The following TTC13 variants were observed in gnomAD, a reference collection of about 807,000 sequenced individuals.
TTC13 encodes tetratricopeptide repeat protein 13.
Under a neutral mutation model 120.0 loss-of-function variants are expected in TTC13, and 62 were observed. That is an observed-to-expected ratio of 0.52 (90% CI 0.42 to 0.64). The LOEUF (loss-of-function observed/expected upper bound fraction) is 0.64, where lower values mean the gene tolerates loss of function less well. Among genes scored for constraint, TTC13 ranks in the 30% least tolerant of loss-of-function variants. The probability of loss-of-function intolerance (pLI) is 0.00; values close to 1 mark genes in which losing one functional copy is unlikely to be tolerated. For synonymous variants in TTC13, 384 were observed against 393.5 expected, an observed-to-expected ratio of 0.98 and a Z score of 0.28; for missense variants, 824 against 1,050.2, an observed-to-expected ratio of 0.78 and a Z score of 2.98.
At chr1:230,968,296 A>G (rs1010646265) in intron 1 of TTC13, among the ~76,000 whole-genome samples, 1 of 75,072 alleles carries the variant, frequency 1.3e-5, no homozygotes, top group African/African-American at 7.3e-5. Flanking sequence ...AGGTATATGC[A>G]CACTGACCTC....
At chr1:230,941,073 T>C (rs574481978) in intron 6 of TTC13, among the ~76,000 whole-genome samples, 2 of 152,290 alleles carry the variant, frequency 1.3e-5, no homozygotes, top group Non-Finnish European at 2.9e-5. Context: ...TTTTAACTCA[T>C]GAGTCATGAT....
chr1:230,929,556 C>T (rs1040866745), intron 11 of TTC13, among the ~76,000 whole-genome samples: 2 of 152,132 alleles, frequency 1.3e-5, no homozygotes, highest in African/African-American at 2.4e-5. Context: ...CCTTGTGATC[C>T]GCCTGCCTCA....
At chr1:230,907,328 C>G (rs1287509812) in intron 22 of TTC13, among the ~76,000 whole-genome samples, 1 of 152,184 alleles carries the variant, frequency 6.6e-6, no homozygotes, top group Non-Finnish European at 1.5e-5. Context: ...GGTTTCAGGT[C>G]CAGCTTCACT....
chr1:230,925,047 A>T, intron 13 of TTC13, 74 bp from the exon 14 acceptor site: 1 of 1,568,168 alleles, frequency 6.4e-7, no homozygotes, highest in East Asian at 2.3e-5. Flanking sequence ...ACAGAGTCTC[A>T]GTGATAACTC....
In TTC13 at chr1:230,906,980, T is replaced by G; in HGVS notation, c.2508A>C (p.Glu836Asp). Reference protein sequence around the residue: ...PSYKTLPSVSETFPTLRSMIE... With the variant: ...PSYKTLPSVSDTFPTLRSMIE... ...TCATCGATCTTAACGTTGGAAACGT[T>G]TCTGATACTGATGGAAGAGTCTTAT... is the stretch of plus-strand genomic sequence containing the variant. The change falls in exon 23 of 23, where the codon GAA becomes GAC. Residue 836 changes from glutamate (E) to aspartate (D), a missense_variant. Physicochemically the swap from Glu to Asp is conservative, Grantham distance 45. This residue lies in a region of TTC13 where 226 missense variants were observed against 259.1 expected (regional missense o/e 0.87). Coordinates refer to ENST00000366661, the MANE Select transcript of TTC13 (RefSeq NM_024525.5). 6.5e-7 allele frequency: 1 copy of G among 1,543,118 alleles called. No individual in the cohort carries two copies. Among genetic ancestry groups the G allele is most frequent in the Non-Finnish European group, 8.7e-7 (1 of 1,152,952 alleles).
intron 8 of TTC13, among the ~76,000 whole-genome samples, chr1:230,935,187 T>C (rs1324229344): frequency 2.6e-5 from 4 of 152,220 alleles, no homozygotes; most frequent in African/African-American, 9.6e-5. Context: ...TTTAAGACTT[T>C]ACCACTATAT....
chr1:230,938,240 G>C (rs901762270), intron 8 of TTC13, among the ~76,000 whole-genome samples: 1 of 152,194 alleles, frequency 6.6e-6, no homozygotes, highest in Non-Finnish European at 1.5e-5. Flanking sequence ...GGCTGTGCAG[G>C]CTGCCTCTGT....
intron 19 of TTC13, 102 bp downstream of exon 19, chr1:230,912,521 T>C (rs1209497245): frequency 1.5e-6 from 2 of 1,362,328 alleles, no homozygotes; most frequent in East Asian, 4.6e-5. Context: ...TCAACCCAAT[T>C]TCAAGCATAA....
intron 12 of TTC13, among the ~76,000 whole-genome samples, chr1:230,926,179 G>C (rs1439982981): frequency 6.6e-6 from 1 of 152,006 alleles, no homozygotes; most frequent in Non-Finnish European, 1.5e-5. Flanking sequence ...TTGGCTGAAA[G>C]GGCTCAGTGG....
chr1:230,951,309 C>T (rs771767810), intron 4 of TTC13, among the ~76,000 whole-genome samples: 2 of 152,014 alleles, frequency 1.3e-5, no homozygotes, highest in South Asian at 2.1e-4. Flanking sequence ...CCATTTGTTG[C>T]CTGCTTCTAT....
Position 230,924,840 on chromosome 1 carries a change from C to A in TTC13, c.1721+1G>T. 6.2e-7 allele frequency: 1 copy of A among 1,614,052 alleles called. No individual in the cohort carries two copies. The highest frequency in any genetic ancestry group is 8.5e-7 in the Non-Finnish European group (1 of 1,179,960). ...TTTATTTTCACTGAGATGTTAGTTA[C>A]CTTCTCCATTTAACTGCAATGTCAA... On this transcript the variant is annotated splice_donor_variant, in intron 14 of 22. Coordinates refer to ENST00000366661, the MANE Select transcript of TTC13 (RefSeq NM_024525.5). LOFTEE classifies it high-confidence loss of function.
At chr1:230,946,470 G>A (rs2102900477) in intron 4 of TTC13, among the ~76,000 whole-genome samples, 1 of 152,242 alleles carries the variant, frequency 6.6e-6, no homozygotes, top group Middle Eastern at 3.4e-3. Context: ...TTTCCTAAAG[G>A]CTACTCAAAT....
Position 230,912,668 on chromosome 1 carries a change from A to G in TTC13, c.2184T>C (p.Asp728=). 6.2e-7 allele frequency: 1 copy of G among 1,612,640 alleles called. No individual in the cohort carries two copies. Among genetic ancestry groups the G allele is most frequent in the African/African-American group, 1.3e-5 (1 of 75,006 alleles). The part of the protein sequence containing the change: ...YHAEIDALYK[D]LTAKGKVLIL... ...TCAATACTTTTCCTTTTGCTGTCAA[A>G]TCTTTATAAAGTGCATCTATTTCAG... The change falls in exon 19 of 23, where the codon GAT becomes GAC. Residue 728 remains aspartate (D), a synonymous_variant. Coordinates refer to ENST00000366661, the MANE Select transcript of TTC13 (RefSeq NM_024525.5).
At chr1:230,954,181 T>C (rs1675837743) in intron 4 of TTC13, 152 bp downstream of exon 4, 1 of 488,688 alleles carries the variant, frequency 2.0e-6, no homozygotes, top group Non-Finnish European at 3.7e-6. Context: ...TCACAAGGCC[T>C]GGCAGCAAGA....
intron 2 of TTC13, among the ~76,000 whole-genome samples, chr1:230,958,555 G>A (rs547968965): frequency 4.6e-5 from 7 of 152,166 alleles, no homozygotes; most frequent in Non-Finnish European, 1.0e-4. Context: ...ACCTGGTAAA[G>A]CTTCAAGATG....
At chr1:230,927,240 G>C (rs900542810) in intron 12 of TTC13, among the ~76,000 whole-genome samples, 1 of 152,022 alleles carries the variant, frequency 6.6e-6, no homozygotes, top group African/African-American at 2.4e-5. Flanking sequence ...AAAGTTCTCT[G>C]AATAGACACA....
At chr1:230,962,790 G>C (rs1676764507) in intron 1 of TTC13, among the ~76,000 whole-genome samples, 1 of 152,188 alleles carries the variant, frequency 6.6e-6, no homozygotes, top group South Asian at 2.1e-4. Flanking sequence ...ACTGCAACGT[G>C]GAAGAACTTC....
In TTC13 at chr1:230,906,279, C is replaced by G. The variant is rs1670931472; in HGVS notation, c.*626G>C. ...AAACTGGTGATTTATAGAAATCACC[C>G]TGGTTTATTTTTTTCAACAAAGGAA... is the stretch of plus-strand genomic sequence containing the variant. On this transcript the variant is annotated 3_prime_UTR_variant, in exon 23 of 23. Transcript: ENST00000366661. 6.6e-6 allele frequency: 1 copy of G among 152,138 alleles called. No individual in the cohort carries two copies. Among genetic ancestry groups the G allele is most frequent in the East Asian group, 1.9e-4 (1 of 5,186 alleles). The allele number at this position is 152,138 out of a possible 1,614,324, so 9.4% of individuals were successfully genotyped here.
In TTC13 at chr1:230,955,619, C is replaced by T. The variant is rs189649100; in HGVS notation, c.443-1216G>A. Among the ~76,000 whole-genome samples the T allele has an allele frequency of 9.4e-3, 1,348 of 142,978 alleles. 20 individuals are homozygous for T. The highest frequency in any genetic ancestry group is 0.034 in the African/African-American group (1,272 of 37,306). 93.8% of individuals were successfully genotyped at this position (142,978 alleles called of 152,430 possible). A position where few individuals can be genotyped will look rare whatever the true frequency, so the allele number is the denominator to read the frequency against. ...CCAGGAGGCGGAGCTTGCAGTGAGCCGAGATGGCGCCACTGCACTCCAGCC... is the reference window on the plus strand; with the variant it reads ...CCAGGAGGCGGAGCTTGCAGTGAGCTGAGATGGCGCCACTGCACTCCAGCC... On this transcript the variant is annotated intron_variant, in intron 3 of 22. Coordinates refer to ENST00000366661, the MANE Select transcript of TTC13 (RefSeq NM_024525.5).
Sources: allele counts gnomAD v4.1 joint callset (sites outside exome capture counted in the v4.1 genomes callset), GRCh38; gene constraint gnomAD v4.1.1; regional missense constraint gnomAD v4.1.1; transcripts MANE v1.5; gene names NCBI Gene and HGNC (gene_info 2026-07-23, HGNC 2026-07-21).